The following CPNE4 variants were observed in gnomAD, a reference collection of about 807,000 sequenced individuals.
The protein encoded by CPNE4 is copine 4.
CPNE4 carries 25 observed loss-of-function variants against 67.9 expected under a neutral mutation model. The ratio of observed to expected loss-of-function variants is 0.37; its 90% CI spans 0.27 to 0.51. The LOEUF is 0.51. Ranked by LOEUF, CPNE4 falls within the 20% of genes least tolerant of loss-of-function variation. The pLI is 0.93. For synonymous variants in CPNE4, 242 were observed against 244.9 expected, an observed-to-expected ratio of 0.99 and a Z score of 0.11; for missense variants, 464 against 690.8, an observed-to-expected ratio of 0.67 and a Z score of 3.68.
At chr3:131,877,574 G>C (rs67010440) in intron 2 of CPNE4, among the ~76,000 whole-genome samples, 11,307 of 152,090 alleles carry the variant, frequency 0.074, 445 homozygotes, top group East Asian at 0.1. Context: ...ATAAAAATGA[G>C]TCAAGAATAG....
At chr3:131,634,432 C>G (rs917780739) in intron 7 of CPNE4, among the ~76,000 whole-genome samples, 3 of 152,136 alleles carry the variant, frequency 2.0e-5, no homozygotes, top group African/African-American at 7.2e-5. Flanking sequence ...AGTAAGTAAT[C>G]AAACTCATTT....
chr3:131,619,072 G>A (rs1053593410), intron 7 of CPNE4, among the ~76,000 whole-genome samples: 1 of 152,162 alleles, frequency 6.6e-6, no homozygotes, highest in South Asian at 2.1e-4. Flanking sequence ...CAGAGAGCTT[G>A]CAAGGGAGCA....
At chr3:131,728,321 C>T (rs925590534) in intron 2 of CPNE4, among the ~76,000 whole-genome samples, 11 of 152,082 alleles carry the variant, frequency 7.2e-5, no homozygotes, top group East Asian at 3.8e-4. Context: ...ATAGAGAGAC[C>T]GCCATAACTT....
At chr3:132,037,088 C>G (rs2074352767), upstream of CPNE4, among the ~76,000 whole-genome samples, 1 of 152,298 alleles carries the variant, frequency 6.6e-6, no homozygotes, top group East Asian at 1.9e-4. Context: ...TAAGTGAACA[C>G]ATGGACCATA....
At chr3:131,663,961 G>A (rs13319291) in intron 7 of CPNE4, among the ~76,000 whole-genome samples, 71,216 of 151,924 alleles carry the variant, frequency 0.47, 17,144 homozygotes, top group Middle Eastern at 0.55. Flanking sequence ...AGGCATGGGG[G>A]CGAATTGATC....
intron 7 of CPNE4, among the ~76,000 whole-genome samples, chr3:131,622,414 T>C (rs1940523184): frequency 6.6e-6 from 1 of 152,232 alleles, no homozygotes; most frequent in South Asian, 2.1e-4. Flanking sequence ...AAGATTGTTA[T>C]ACTATGAAAC....
intron 2 of CPNE4, among the ~76,000 whole-genome samples, chr3:131,818,938 A>G (rs1227598699): frequency 1.3e-5 from 2 of 152,152 alleles, no homozygotes; most frequent in Non-Finnish European, 2.9e-5. Flanking sequence ...CATCTCTACT[A>G]AAAATACAAA....
chr3:131,913,885 C>T (rs1206552307), intron 1 of CPNE4, among the ~76,000 whole-genome samples: 1 of 152,124 alleles, frequency 6.6e-6, no homozygotes, highest in African/African-American at 2.4e-5. Flanking sequence ...GAGTTGTGTT[C>T]AGAATTAAGT....
At chr3:131,946,289 T>A (rs1372545395) in intron 1 of CPNE4, among the ~76,000 whole-genome samples, 1 of 152,214 alleles carries the variant, frequency 6.6e-6, no homozygotes, top group Non-Finnish European at 1.5e-5. Context: ...TCCTTTTGTG[T>A]CTGGTATCTT....
rs537121729 is a variant in CPNE4 at position 131,640,767 on chromosome 3, T to C, written c.681+28908A>G. 3.3e-5 allele frequency among the ~76,000 whole-genome samples: 5 copies of C among 152,184 alleles called. No homozygotes were observed. In the South Asian group the frequency reaches 1.0e-3, roughly 32 times the overall value. ...CATCATATTACCCAAGTTCAAAGTA[T>C]ACTATAAGGCCATAGTCACCAAAAA... On this transcript the variant is annotated intron_variant, in intron 7 of 15. Coordinates refer to ENST00000429747, the MANE Select transcript of CPNE4 (RefSeq NM_130808.3).
chr3:131,996,143 C>A (rs1178636282), intron 1 of CPNE4, among the ~76,000 whole-genome samples: 3 of 152,156 alleles, frequency 2.0e-5, no homozygotes, highest in African/African-American at 4.8e-5. Flanking sequence ...GCACAGGACA[C>A]GATAAAATGC....
At chr3:131,555,041 C>A (rs907264639) in intron 12 of CPNE4, among the ~76,000 whole-genome samples, 1 of 152,038 alleles carries the variant, frequency 6.6e-6, no homozygotes, top group African/African-American at 2.4e-5. Context: ...CATAATAGTT[C>A]TTTCTTCAAA....
chr3:131,982,643 A>C (rs2072936415), intron 1 of CPNE4, among the ~76,000 whole-genome samples: 1 of 152,072 alleles, frequency 6.6e-6, no homozygotes, highest in Non-Finnish European at 1.5e-5. Flanking sequence ...TATTATTGTG[A>C]TTTACTTGCA....
chr3:131,987,166 G>C (rs1432868204), intron 1 of CPNE4, among the ~76,000 whole-genome samples: 2 of 152,156 alleles, frequency 1.3e-5, no homozygotes, highest in South Asian at 2.1e-4. Flanking sequence ...GTAAAAAATA[G>C]TGGTATTTTG....
At position 131,901,375 on chromosome 3, in the gene CPNE4, G is replaced by A. The variant is rs527275483; in HGVS notation, c.180+3889C>T. On this transcript the variant is annotated intron_variant, in intron 2 of 15. Transcript: ENST00000429747. The stretch of plus-strand genomic sequence containing the variant: ...TATTGCCATCATTACATAGCCAGGA[G>A]TTGATGAAGAGGGATTTTTTTAAAG... Among the ~76,000 whole-genome samples, 8 of 152,152 alleles carry A rather than the reference G, an allele frequency of 5.3e-5. No homozygotes were observed. In the South Asian group the frequency reaches 1.2e-3, roughly 24 times the overall value.
At position 132,034,723 on chromosome 3, in the gene CPNE4, T is replaced by C; in HGVS notation, c.-158A>G. The C allele has an allele frequency of 1.0e-6, 1 of 985,228 alleles. No homozygotes were observed. Among genetic ancestry groups the C allele is most frequent in the South Asian group, 4.7e-5 (1 of 21,266 alleles). 61.0% of individuals were successfully genotyped at this position (985,228 alleles called of 1,614,324 possible). A position where few individuals can be genotyped will look rare whatever the true frequency, so the allele number is the denominator to read the frequency against. ...GTCGCACCTCCTTCCCCTCTCGTCCTCCGAGGTCAGTTTAGCAACAGCGGC... is the reference window on the plus strand; with the variant it reads ...GTCGCACCTCCTTCCCCTCTCGTCCCCCGAGGTCAGTTTAGCAACAGCGGC... On this transcript the variant is annotated 5_prime_UTR_variant, in exon 1 of 16. Transcript: ENST00000429747.
chr3:131,601,414 T>G (rs1348283261), intron 7 of CPNE4, among the ~76,000 whole-genome samples: 1 of 151,958 alleles, frequency 6.6e-6, no homozygotes, highest in Non-Finnish European at 1.5e-5. Context: ...AAATAAATAA[T>G]AGTGATGCAG....
intron 7 of CPNE4, among the ~76,000 whole-genome samples, chr3:131,615,929 GCACAC>G (rs1940127547): frequency 3.8e-5 from 3 of 78,060 alleles, no homozygotes; most frequent in African/African-American, 3.2e-4. Context: ...ACACACACAC[GCACAC>G]ACACACACAC....
intron 2 of CPNE4, among the ~76,000 whole-genome samples, chr3:131,816,176 T>C (rs182305329): frequency 6.6e-6 from 1 of 152,314 alleles, no homozygotes; most frequent in East Asian, 1.9e-4. Flanking sequence ...TTATATGTGC[T>C]TCTATGAGCA....
Sources: allele counts gnomAD v4.1 joint callset (sites outside exome capture counted in the v4.1 genomes callset), GRCh38; gene constraint gnomAD v4.1.1; transcripts MANE v1.5; gene names NCBI Gene and HGNC (gene_info 2026-07-23, HGNC 2026-07-21).